The following MYO16 variants were observed in gnomAD, a reference collection of about 807,000 sequenced individuals.
MYO16 encodes the protein myosin XVI, also known as unconventional myosin-XVI.
A neutral mutation model predicts 205.3 loss-of-function variants in MYO16; 94 were observed. That is an observed-to-expected ratio of 0.46 (90% CI 0.39 to 0.54). The LOEUF is 0.54. MYO16 is among the 20% of genes least tolerant of loss of function. MYO16 has a pLI of 0.00. For synonymous variants in MYO16, 988 were observed against 954.0 expected (o/e 1.04, Z -0.66); for missense variants, 2,315 against 2,387.5 (o/e 0.97, Z 0.63).
intron 23 of MYO16, among the ~76,000 whole-genome samples, chr13:109,035,640 T>C (rs540985964): frequency 6.6e-6 from 1 of 152,298 alleles, no homozygotes; most frequent in South Asian, 2.1e-4. Context: ...GCAGAGATCA[T>C]GCTACTGCAC....
At chr13:109,080,525 G>T (rs1888250291) in intron 27 of MYO16, among the ~76,000 whole-genome samples, 1 of 151,630 alleles carries the variant, frequency 6.6e-6, no homozygotes, top group South Asian at 2.1e-4. Flanking sequence ...GGTCAAAAAT[G>T]CATTTGTTTC....
At chr13:108,845,042 C>A (rs2139074537) in intron 10 of MYO16, among the ~76,000 whole-genome samples, 1 of 151,962 alleles carries the variant, frequency 6.6e-6, no homozygotes, top group Non-Finnish European at 1.5e-5. Context: ...GGAGTTATGG[C>A]AATTAATGTA....
chr13:108,647,950 A>G (rs747977111), intron 1 of MYO16, among the ~76,000 whole-genome samples: 40 of 152,214 alleles, frequency 2.6e-4, no homozygotes, highest in Non-Finnish European at 1.9e-4. Flanking sequence ...CTTTAACATG[A>G]CAGGACCCTT....
At chr13:108,709,194 G>C (rs948113061) in intron 2 of MYO16, among the ~76,000 whole-genome samples, 9 of 152,180 alleles carry the variant, frequency 5.9e-5, no homozygotes, top group African/African-American at 2.2e-4. Flanking sequence ...GAAAGATTCA[G>C]AGTGGTGCTG....
At chr13:108,608,999 T>G (rs1460191692) in intron 1 of MYO16, among the ~76,000 whole-genome samples, 1 of 152,152 alleles carries the variant, frequency 6.6e-6, no homozygotes, top group East Asian at 1.9e-4. Flanking sequence ...TTTTTAATCT[T>G]TATTTTTTGA....
At chr13:108,993,724 A>G (rs1292389958) in intron 21 of MYO16, among the ~76,000 whole-genome samples, 1 of 152,216 alleles carries the variant, frequency 6.6e-6, no homozygotes, top group Non-Finnish European at 1.5e-5. Context: ...GTAATGATGA[A>G]CATAAGGAAG....
chr13:108,972,630 T>C (rs1354362402), intron 20 of MYO16, among the ~76,000 whole-genome samples: 1 of 151,092 alleles, frequency 6.6e-6, no homozygotes, highest in Non-Finnish European at 1.5e-5. Flanking sequence ...GATAGGGGCA[T>C]TGTTTTTTAG....
intron 10 of MYO16, among the ~76,000 whole-genome samples, chr13:108,847,441 G>A (rs1318891142): frequency 1.3e-5 from 2 of 152,134 alleles, no homozygotes; most frequent in Non-Finnish European, 2.9e-5. Context: ...TCTCTCCAGG[G>A]AAGAGCAGCG....
intron 20 of MYO16, among the ~76,000 whole-genome samples, chr13:108,989,978 C>T (rs1884772262): frequency 6.6e-6 from 1 of 151,982 alleles, no homozygotes; most frequent in Non-Finnish European, 1.5e-5. Context: ...ACTTGGTCTC[C>T]TATTTGTATA....
chr13:108,931,872 A>T (rs1159369462), intron 16 of MYO16, among the ~76,000 whole-genome samples: 2 of 152,288 alleles, frequency 1.3e-5, no homozygotes, highest in East Asian at 3.9e-4. Flanking sequence ...CCAGTTCGAA[A>T]AATTGTTGGC....
At chr13:108,636,344 CCCT>C (rs1880224921) in intron 1 of MYO16, among the ~76,000 whole-genome samples, 1 of 93,442 alleles carries the variant, frequency 1.1e-5, no homozygotes, top group African/African-American at 4.4e-5. Flanking sequence ...AAAAATATTT[CCCT>C]TTTTTTTTTT....
At position 108,659,626 on chromosome 13, in the gene MYO16, C is replaced by T. The variant is rs79576666; in HGVS notation, c.29-6260C>T. Among the ~76,000 whole-genome samples the T allele has an allele frequency of 7.0e-3, 1,072 of 152,232 alleles. 7 individuals are homozygous for T. The highest frequency in any genetic ancestry group is 0.011 in the Non-Finnish European group (718 of 68,020). The stretch of plus-strand genomic sequence containing the variant: ...AAGGAAAAGCAGTTAGATGGGAACA[C>T]GGTGTCATCTTGCATTTCTGTAAGA... On this transcript the variant is annotated intron_variant, in intron 1 of 34. Transcript: ENST00000457511.
At chr13:109,153,888 T>C (rs563612761) in intron 32 of MYO16, among the ~76,000 whole-genome samples, 21 of 152,292 alleles carry the variant, frequency 1.4e-4, no homozygotes, top group Admixed American at 1.4e-3. Flanking sequence ...TGGTGAAGTG[T>C]GAATCCACTG....
the MYO16 span, among the ~76,000 whole-genome samples, chr13:108,572,345 T>C: frequency 6.6e-6 from 1 of 152,176 alleles, no homozygotes; most frequent in East Asian, 1.9e-4. Flanking sequence ...GTATAATCTT[T>C]ATCATTTAAA....
intron 1 of MYO16, among the ~76,000 whole-genome samples, chr13:108,634,048 C>A (rs1880109389): frequency 6.6e-6 from 1 of 152,154 alleles, no homozygotes; most frequent in African/African-American, 2.4e-5. Flanking sequence ...TGTCCTTGCC[C>A]CAGAGGAGCT....
At chr13:109,136,265 T>C (rs1341902895) in intron 31 of MYO16, among the ~76,000 whole-genome samples, 1 of 152,048 alleles carries the variant, frequency 6.6e-6, no homozygotes, top group Non-Finnish European at 1.5e-5. Flanking sequence ...GGCTAATTTG[T>C]GTATTTTTAG....
intron 27 of MYO16, among the ~76,000 whole-genome samples, chr13:109,059,521 G>T (rs1170924018): frequency 6.6e-6 from 1 of 152,110 alleles, no homozygotes; most frequent in Non-Finnish European, 1.5e-5. Flanking sequence ...GTAAATTGAT[G>T]TGCTTTTTTT....
chr13:108,710,364 T>G (rs1364266735), intron 2 of MYO16, among the ~76,000 whole-genome samples: 2 of 152,250 alleles, frequency 1.3e-5, no homozygotes, highest in African/African-American at 4.8e-5. Flanking sequence ...TGATAAATTA[T>G]ACACTCATCC....
chr13:108,549,795 A>C, the MYO16 span, among the ~76,000 whole-genome samples: 1 of 152,234 alleles, frequency 6.6e-6, no homozygotes, highest in African/African-American at 2.4e-5. Context: ...CTCCTCCTGC[A>C]CTAGAAGACA....
Sources: allele counts gnomAD v4.1 joint callset (sites outside exome capture counted in the v4.1 genomes callset), GRCh38; gene constraint gnomAD v4.1.1; transcripts MANE v1.5; gene names NCBI Gene and HGNC (gene_info 2026-07-23, HGNC 2026-07-21).